EPB41: variants seen among roughly 807,000 people sequenced by gnomAD.
EPB41 encodes the protein protein 4.1.
A neutral mutation model predicts 108.0 loss-of-function variants in EPB41; 65 were observed. The ratio of observed to expected loss-of-function variants is 0.60; its 90% CI spans 0.49 to 0.74. The LOEUF (loss-of-function observed/expected upper bound fraction) is 0.74. EPB41 is among the 30% of genes least tolerant of loss of function. The probability of loss-of-function intolerance (pLI) is 0.00; values close to 1 mark genes in which losing one functional copy is unlikely to be tolerated. For synonymous variants in EPB41, 336 were observed against 358.9 expected (o/e 0.94, Z 0.72); for missense variants, 875 against 1,037.0 (o/e 0.84, Z 2.15).
At chr1:29,001,782 G>A (rs530332687) in intron 4 of EPB41, among the ~76,000 whole-genome samples, 1 of 152,160 alleles carries the variant, frequency 6.6e-6, no homozygotes, top group East Asian at 1.9e-4. Context: ...ACAATCAAGC[G>A]AGTATGATCT....
At chr1:28,938,058 G>A (rs991672877) in intron 1 of EPB41, among the ~76,000 whole-genome samples, 1 of 152,136 alleles carries the variant, frequency 6.6e-6, no homozygotes, top group Admixed American at 6.5e-5. Context: ...GTTGATCTAC[G>A]TGTTTATCCT....
At chr1:29,047,225 T>C (rs1643482207) in intron 11 of EPB41, among the ~76,000 whole-genome samples, 1 of 151,536 alleles carries the variant, frequency 6.6e-6, no homozygotes, top group South Asian at 2.1e-4. Context: ...TTTTGATAAA[T>C]TGTGTTTCTT....
rs930916271 is a variant in EPB41 at position 28,887,714 on chromosome 1, T to A, written c.-8+504T>A. On this transcript the variant is annotated intron_variant, in intron 1 of 16. Transcript: ENST00000347529. This position sits in a 1 kb window ranked among gnomAD's most constrained non-coding sequence, Gnocchi z 4.9. The stretch of plus-strand genomic sequence containing the variant: ...CGGCCCTTACGTAACTGACTTTGAG[T>A]TTCCGGACCCAGGAACCGACCCGCC... The A allele has an allele frequency of 4.2e-5, 41 of 983,388 alleles. No homozygotes were observed. The highest frequency in any genetic ancestry group is 4.7e-5 in the Non-Finnish European group (39 of 828,262). The allele number at this position is 983,388 out of a possible 1,614,324, so 60.9% of individuals were successfully genotyped here.
intron 11 of EPB41, among the ~76,000 whole-genome samples, chr1:29,044,581 C>A (rs1558132747): frequency 1.3e-5 from 2 of 152,126 alleles, no homozygotes; most frequent in Admixed American, 6.6e-5. Context: ...GTGGCTCACA[C>A]CTGTAATCCC....
At chr1:28,916,280 G>A (rs978922732) in intron 1 of EPB41, among the ~76,000 whole-genome samples, 10 of 152,140 alleles carry the variant, frequency 6.6e-5, no homozygotes, top group Non-Finnish European at 1.2e-4. Context: ...TTATAATTAA[G>A]GTAAATATAG....
At chr1:28,975,659 T>G (rs2095586703) in intron 1 of EPB41, among the ~76,000 whole-genome samples, 1 of 151,952 alleles carries the variant, frequency 6.6e-6, no homozygotes, top group Admixed American at 6.6e-5. Flanking sequence ...ACACGTACAC[T>G]CTGGAAAGAG....
intron 1 of EPB41, among the ~76,000 whole-genome samples, chr1:28,981,437 G>A (rs1034406217): frequency 3.9e-5 from 6 of 152,308 alleles, no homozygotes; most frequent in Non-Finnish European, 8.8e-5. Flanking sequence ...GCAGCTATTC[G>A]TGGTGATGTA....
At chr1:28,982,972 T>A (rs923892542) in intron 1 of EPB41, among the ~76,000 whole-genome samples, 3 of 152,206 alleles carry the variant, frequency 2.0e-5, no homozygotes, top group Non-Finnish European at 4.4e-5. Context: ...TTTTGGTCTT[T>A]TGGGATTTCA....
At chr1:29,111,787 G>A (rs1447630206) in intron 18 of EPB41, among the ~76,000 whole-genome samples, 1 of 152,042 alleles carries the variant, frequency 6.6e-6, no homozygotes, top group Admixed American at 6.6e-5. Flanking sequence ...GACCAGCCTG[G>A]CCAACATAGT....
chr1:29,113,627 T>G (rs1179792587), intron 19 of EPB41, among the ~76,000 whole-genome samples: 2 of 152,188 alleles, frequency 1.3e-5, no homozygotes, highest in Non-Finnish European at 2.9e-5. Flanking sequence ...GAGACAGACT[T>G]GGGCTGAATC....
At chr1:29,106,216 C>T (rs750735985) in intron 17 of EPB41, among the ~76,000 whole-genome samples, 11 of 152,134 alleles carry the variant, frequency 7.2e-5, no homozygotes, top group Non-Finnish European at 1.2e-4. Context: ...GTGTCTCCTG[C>T]ATCTTTAGCA....
chr1:28,951,794 C>T (rs543352200), intron 1 of EPB41, among the ~76,000 whole-genome samples: 11 of 152,248 alleles, frequency 7.2e-5, no homozygotes, highest in African/African-American at 2.6e-4. Flanking sequence ...GTTGAGGCTG[C>T]AGTGAGCTGT....
intron 15 of EPB41, 57 bp from the exon 16 acceptor site, chr1:29,064,925 A>G (rs1647090084): frequency 6.2e-7 from 1 of 1,610,406 alleles, no homozygotes; most frequent in Non-Finnish European, 8.5e-7. Context: ...GTTGCCCTTG[A>G]TTATGTTCTT....
intron 7 of EPB41, among the ~76,000 whole-genome samples, chr1:29,021,372 G>T (rs2096642741): frequency 6.6e-6 from 1 of 152,198 alleles, no homozygotes; most frequent in Non-Finnish European, 1.5e-5. Flanking sequence ...GCAGCTGGAA[G>T]TGCAAGAAAG....
intron 7 of EPB41, among the ~76,000 whole-genome samples, chr1:29,028,154 A>C (rs1474813474): frequency 6.6e-6 from 1 of 152,188 alleles, no homozygotes; most frequent in Non-Finnish European, 1.5e-5. Flanking sequence ...AAGCATGCTT[A>C]TTTATAGAAG....
At chr1:28,975,002 C>G (rs572552925) in intron 1 of EPB41, among the ~76,000 whole-genome samples, 2 of 152,174 alleles carry the variant, frequency 1.3e-5, no homozygotes, top group South Asian at 4.1e-4. Flanking sequence ...CCATGTTGGT[C>G]AGGCTGGTCT....
At chr1:29,039,232 A>G in intron 10 of EPB41, 22 bp from the exon 11 acceptor site, 1 of 1,608,012 alleles carries the variant, frequency 6.2e-7, no homozygotes, top group Non-Finnish European at 8.5e-7. Context: ...TAATAATATG[A>G]CTATTACGAT....
intron 16 of EPB41, chr1:29,096,946 T>C (rs1663412426): frequency 6.6e-6 from 1 of 152,158 alleles, no homozygotes; most frequent in Admixed American, 6.5e-5. Context: ...GAGACCATGC[T>C]TAAAAAATTC....
intron 16 of EPB41, among the ~76,000 whole-genome samples, chr1:29,092,351 C>CA (rs1661568515): frequency 6.6e-6 from 1 of 152,012 alleles, no homozygotes; most frequent in African/African-American, 2.4e-5. Flanking sequence ...CTCAGTCTCC[C>CA]AAAGTGCTGG....
Sources: allele counts gnomAD v4.1 joint callset (sites outside exome capture counted in the v4.1 genomes callset), GRCh38; gene constraint gnomAD v4.1.1; non-coding constraint Gnocchi (gnomAD v3.1); transcripts MANE v1.5; gene names NCBI Gene and HGNC (gene_info 2026-07-23, HGNC 2026-07-21).